The following COL22A1 variants were observed in gnomAD, a reference collection of about 807,000 sequenced individuals.
COL22A1 encodes collagen alpha-1(XXII) chain.
In COL22A1, 221 loss-of-function variants were observed where a neutral mutation model predicts 248.9. That is an observed-to-expected ratio of 0.89 (90% CI 0.80 to 0.99). The LOEUF is 0.99. COL22A1 is among the 50% of genes least tolerant of loss of function. The pLI is 0.00. For missense variants in COL22A1, 2,240 were observed against 2,179.0 expected (o/e 1.03, Z -0.56); for synonymous variants, 891 against 793.4 (o/e 1.12, Z -2.07).
Position 138,596,910 on chromosome 8 carries a change from G to C in COL22A1, c.4426C>G (p.Leu1476Val), listed in dbSNP as rs773960137. 3 of 1,613,944 alleles carry C rather than the reference G, an allele frequency of 1.9e-6. No individual in the cohort carries two copies. The highest frequency in any genetic ancestry group is 2.5e-6 in the Non-Finnish European group (3 of 1,179,866). ...RLIQEELGKQ[L>V]ETRLAYLLAQ... ...ACACAGTCCAGATACTCACTTTCAA[G>C]CTGCTTCCCCAGCTCTTCTTGAATA... The change falls in exon 62 of 65, where the codon CTT (leucine) becomes GTT (valine). Residue 1476 changes from leucine (L) to valine (V), a missense_variant. Physicochemically the swap from Leu to Val is conservative, Grantham distance 32 (BLOSUM62 1). Coordinates refer to ENST00000303045, the MANE Select transcript of COL22A1 (RefSeq NM_152888.3).
At chr8:138,618,940 G>GA (rs558515075) in intron 53 of COL22A1, among the ~76,000 whole-genome samples, 4 of 151,942 alleles carry the variant, frequency 2.6e-5, no homozygotes, top group Non-Finnish European at 5.9e-5. Flanking sequence ...TTCATATATA[G>GA]AAAAAAGGAC....
At chr8:138,644,199 G>T (rs1482847244) in intron 47 of COL22A1, among the ~76,000 whole-genome samples, 1 of 152,122 alleles carries the variant, frequency 6.6e-6, no homozygotes, top group Non-Finnish European at 1.5e-5. Flanking sequence ...AAGTGAGTTA[G>T]GTAGGTCATT....
chr8:138,783,980 C>T lies in COL22A1; in HGVS notation c.1597-3000G>A, dbSNP rs369647190. ...GCCCATGCAGGGAGAGGGACTGCTG[C>T]TTCTCAGAGCCTCATCTAGGGTAAA... On this transcript the variant is annotated intron_variant, in intron 12 of 64. Transcript: ENST00000303045. 1.3e-3 allele frequency among the ~76,000 whole-genome samples: 197 copies of T among 152,294 alleles called. 1 individual carries two copies. The highest frequency in any genetic ancestry group is 4.5e-3 in the African/African-American group (188 of 41,568).
At chr8:138,775,929 A>G (rs1376258451) in intron 16 of COL22A1, 37 bp downstream of exon 16, 1 of 1,604,102 alleles carries the variant, frequency 6.2e-7, no homozygotes, top group Admixed American at 1.7e-5. Flanking sequence ...TTTTCTATGG[A>G]AAGCCGTATT....
intron 41 of COL22A1, among the ~76,000 whole-genome samples, chr8:138,664,483 A>G (rs1824326191): frequency 6.6e-6 from 1 of 152,074 alleles, no homozygotes; most frequent in Non-Finnish European, 1.5e-5. Context: ...TTCTGCCTGG[A>G]AACATTCTTG....
intron 6 of COL22A1, among the ~76,000 whole-genome samples, chr8:138,823,459 T>C (rs893504521): frequency 6.6e-6 from 1 of 152,070 alleles, no homozygotes; most frequent in African/African-American, 2.4e-5. Flanking sequence ...CCAGCTGGAG[T>C]GCAGAGGAGT....
chr8:138,633,915 G>A (rs144383796), intron 49 of COL22A1, among the ~76,000 whole-genome samples: 1 of 152,178 alleles, frequency 6.6e-6, no homozygotes. Context: ...GTGAGGCTGA[G>A]AAATTAAAAA....
intron 45 of COL22A1, among the ~76,000 whole-genome samples, chr8:138,650,461 G>A (rs1340569563): frequency 6.6e-6 from 1 of 152,166 alleles, no homozygotes; most frequent in African/African-American, 2.4e-5. Context: ...TGTGTTTTCT[G>A]ATTAGTTGGA....
rs1249324885 is a variant in COL22A1 at position 138,678,678 on chromosome 8, G to A, written c.3072+939C>T. On this transcript the variant is annotated intron_variant, in intron 40 of 64. Coordinates refer to ENST00000303045, the MANE Select transcript of COL22A1 (RefSeq NM_152888.3). Reference sequence around the variant, plus strand: ...CACCAGTTCATTGTAGCAATGGAGAGGGGCATGTAGGAAGATTTCAAGCTG... The same window carrying A: ...CACCAGTTCATTGTAGCAATGGAGAAGGGCATGTAGGAAGATTTCAAGCTG... Among the ~76,000 whole-genome samples, 4 of 152,160 alleles carry A rather than the reference G, an allele frequency of 2.6e-5. No homozygotes were observed. In the South Asian group the frequency reaches 6.2e-4, roughly 24 times the overall value.
chr8:138,821,335 A>G lies in COL22A1; in HGVS notation c.1046T>C (p.Val349Ala). The G allele has an allele frequency of 6.2e-7, 1 of 1,614,142 alleles. No individual in the cohort carries two copies. The highest frequency in any genetic ancestry group is 8.5e-7 in the Non-Finnish European group (1 of 1,180,024). ...AVGAMKDAVR[V>A]VFRGSRVNDL... The stretch of plus-strand genomic sequence containing the variant: ...ATTGACCCGAGAACCTCGGAAGACC[A>G]CCCTGACAGCATCTTTCATGGCACC... The change falls in exon 7 of 65, where the codon GTG becomes GCG. Residue 349 changes from valine to alanine, a missense_variant. Val to Ala is a moderately conservative substitution (Grantham distance 64). Transcript: ENST00000303045.
At chr8:138,698,049 G>A (rs1326130193) in intron 32 of COL22A1, among the ~76,000 whole-genome samples, 4 of 152,238 alleles carry the variant, frequency 2.6e-5, no homozygotes, top group African/African-American at 9.6e-5. Flanking sequence ...CCAGTGGAAT[G>A]CTCTGGAAGT....
At chr8:138,884,585 T>C (rs1423635128) in intron 1 of COL22A1, among the ~76,000 whole-genome samples, 1 of 152,106 alleles carries the variant, frequency 6.6e-6, no homozygotes, top group Non-Finnish European at 1.5e-5. Flanking sequence ...GGGAGCAAAC[T>C]CATTTACCCT....
intron 62 of COL22A1, among the ~76,000 whole-genome samples, chr8:138,594,744 ACAGCAGTAG>A: frequency 6.6e-6 from 1 of 152,190 alleles, no homozygotes; most frequent in Non-Finnish European, 1.5e-5. Context: ...AGTAGCATGG[ACAGCAGTAG>A]CAGCAGTAGC....
intron 1 of COL22A1, among the ~76,000 whole-genome samples, chr8:138,903,626 A>G (rs940231703): frequency 6.6e-6 from 1 of 152,048 alleles, no homozygotes; most frequent in Non-Finnish European, 1.5e-5. Context: ...TGGGCCCACA[A>G]TTGCTTTTGT....
At chr8:138,691,767 C>CAT (rs1826938754) in intron 35 of COL22A1, among the ~76,000 whole-genome samples, 1 of 128,320 alleles carries the variant, frequency 7.8e-6, no homozygotes, top group Non-Finnish European at 1.6e-5. Context: ...TATGTGTACA[C>CAT]GTAAGTGTGT....
chr8:138,812,771 C>A (rs1163619338), intron 8 of COL22A1, among the ~76,000 whole-genome samples, 168 bp downstream of exon 8: 1 of 152,120 alleles, frequency 6.6e-6, no homozygotes, highest in Non-Finnish European at 1.5e-5. Context: ...GAGGAACCTG[C>A]ATGGCTTGGC....
chr8:138,761,587 A>AT (rs1369758043), intron 17 of COL22A1, among the ~76,000 whole-genome samples: 1 of 140,438 alleles, frequency 7.1e-6, no homozygotes, highest in Non-Finnish European at 1.6e-5. Flanking sequence ...ATTAACATAT[A>AT]TATTTTATCT....
chr8:138,722,160 C>T, intron 25 of COL22A1, 71 bp from the exon 26 acceptor site: 1 of 1,364,716 alleles, frequency 7.3e-7, no homozygotes, highest in Non-Finnish European at 1.0e-6. Flanking sequence ...TAAGTTGTTT[C>T]AAACCAGGAG....
chr8:138,902,254 T>C (rs551542094), intron 1 of COL22A1, among the ~76,000 whole-genome samples: 4 of 152,244 alleles, frequency 2.6e-5, no homozygotes, highest in Admixed American at 6.5e-5. Context: ...ACTGCCCCTC[T>C]CCTTTCCCTT....
Sources: allele counts gnomAD v4.1 joint callset (sites outside exome capture counted in the v4.1 genomes callset), GRCh38; gene constraint gnomAD v4.1.1; transcripts MANE v1.5; gene names NCBI Gene and HGNC (gene_info 2026-07-23, HGNC 2026-07-21).